Variants in SLC25A13 observed in about 807,000 individuals in gnomAD.
SLC25A13 encodes the protein solute carrier family 25 member 13, also known as electrogenic aspartate/glutamate antiporter SLC25A13, mitochondrial.
SLC25A13 carries 70 observed loss-of-function variants against 85.5 expected under a neutral mutation model. The observed-to-expected ratio is 0.82, with a 90% CI of 0.68 to 1.00. The LOEUF is 1.00. SLC25A13 is among the 50% of genes least tolerant of loss of function. SLC25A13 has a pLI of 0.00. For missense variants in SLC25A13, 765 were observed against 819.8 expected (o/e 0.93, Z 0.82); for synonymous variants, 259 against 288.7 (o/e 0.90, Z 1.04).
rs576174877 is a variant in SLC25A13 at position 96,208,494 on chromosome 7, T to C, written c.468+344A>G. ...CAATTTGATTCCAGGTTTACTTATT[T>C]ACCCTTTTAACTTTTTTTTTTTTTT... is the stretch of plus-strand genomic sequence containing the variant. On this transcript the variant is annotated intron_variant, in intron 5 of 17. Coordinates refer to ENST00000265631, the MANE Select transcript of SLC25A13 (RefSeq NM_014251.3). Among the ~76,000 whole-genome samples, 11 of 151,944 alleles carry C rather than the reference T, an allele frequency of 7.2e-5. No homozygotes were observed. The South Asian group carries it at 2.1e-3, about 29-fold the overall frequency.
intron 5 of SLC25A13, among the ~76,000 whole-genome samples, chr7:96,199,955 A>C (rs1199911975): frequency 6.6e-6 from 1 of 152,088 alleles, no homozygotes; most frequent in African/African-American, 2.4e-5. Context: ...TCAGACATGC[A>C]AGTTTGTGCT....
chr7:96,191,207 T>C lies in SLC25A13; in HGVS notation c.656A>G (p.Tyr219Cys). The C allele has an allele frequency of 6.2e-7, 1 of 1,614,054 alleles. No homozygotes were observed. Among genetic ancestry groups the C allele is most frequent in the Non-Finnish European group, 8.5e-7 (1 of 1,180,004 alleles). ...GTTSHQVSFSYFNGFNSLLNN... is the reference protein window; with the variant it reads ...GTTSHQVSFSCFNGFNSLLNN... The stretch of plus-strand genomic sequence containing the variant: ...AAGGAGCGAATTAAATCCATTAAAA[T>C]AGGAGAAACTAACTTGATGGGATGT... Residue 219 changes from tyrosine (Y) to cysteine (C), a missense_variant, in exon 7 of 18, where the codon TAT becomes TGT. Coordinates refer to ENST00000265631, the MANE Select transcript of SLC25A13 (RefSeq NM_014251.3).
At chr7:96,184,017 G>A (rs1021106634) in intron 11 of SLC25A13, among the ~76,000 whole-genome samples, 4 of 152,024 alleles carry the variant, frequency 2.6e-5, no homozygotes, top group Admixed American at 1.3e-4. Context: ...AAAAATTCAC[G>A]GAAGATGCTT....
rs144677499 is a variant in SLC25A13 at position 96,162,777 on chromosome 7, C to T, written c.1311+7268G>A. ...AGATGTGCAGAGGGATGCAAAGTCACTGTGAGAGAGACAAAGGCCAAGTAG... is the reference window on the plus strand; with the variant it reads ...AGATGTGCAGAGGGATGCAAAGTCATTGTGAGAGAGACAAAGGCCAAGTAG... On this transcript the variant is annotated intron_variant, in intron 13 of 17. Transcript: ENST00000265631. Among the ~76,000 whole-genome samples, 279 of 152,248 alleles carry T rather than the reference C, an allele frequency of 1.8e-3. 2 individuals are homozygous for T. Among genetic ancestry groups the T allele is most frequent in the African/African-American group, 6.4e-3 (265 of 41,542 alleles).
chr7:96,208,689 T>C, intron 5 of SLC25A13, 149 bp downstream of exon 5: 2 of 842,442 alleles, frequency 2.4e-6, no homozygotes, highest in South Asian at 2.8e-5. Flanking sequence ...GTATTTTTAG[T>C]AGAGACGGGG....
intron 15 of SLC25A13, among the ~76,000 whole-genome samples, chr7:96,126,946 CTCA>C (rs3216903): frequency 0.12 from 17,856 of 152,174 alleles, 1,298 homozygotes; most frequent in East Asian, 0.25. Context: ...CAGTAGTTTT[CTCA>C]TAATACACAA....
chr7:96,229,907 C>T (rs952823115), intron 4 of SLC25A13, among the ~76,000 whole-genome samples: 1 of 152,204 alleles, frequency 6.6e-6, no homozygotes, highest in African/African-American at 2.4e-5. Flanking sequence ...AGACCAAGAA[C>T]CCACCAATTC....
chr7:96,131,914 A>G (rs777329706), intron 14 of SLC25A13, 33 bp from the exon 15 acceptor site: 1 of 1,613,738 alleles, frequency 6.2e-7, no homozygotes, highest in South Asian at 1.1e-5. Context: ...AAACCACATG[A>G]AACACATATC....
chr7:96,264,131 T>C (rs573860710), intron 3 of SLC25A13, among the ~76,000 whole-genome samples: 1 of 152,268 alleles, frequency 6.6e-6, no homozygotes, highest in South Asian at 2.1e-4. Flanking sequence ...TCTGGATTAT[T>C]CAGTGGCCAT....
intron 2 of SLC25A13, among the ~76,000 whole-genome samples, chr7:96,295,452 A>G (rs936892312): frequency 2.0e-5 from 3 of 152,212 alleles, no homozygotes; most frequent in Non-Finnish European, 4.4e-5. Context: ...AGTTATCATC[A>G]TACTGCCTAC....
chr7:96,269,872 C>T (rs1370329920), intron 3 of SLC25A13, among the ~76,000 whole-genome samples: 2 of 152,182 alleles, frequency 1.3e-5, no homozygotes, highest in Non-Finnish European at 2.9e-5. Context: ...AAGACAAATA[C>T]TACATGATCT....
chr7:96,262,151 T>C (rs534427902), intron 3 of SLC25A13, among the ~76,000 whole-genome samples: 1 of 152,312 alleles, frequency 6.6e-6, no homozygotes, highest in African/African-American at 2.4e-5. Flanking sequence ...GTACCTCTAA[T>C]TCTGACAGTG....
At chr7:96,181,825 TAGC>T (rs1794430917) in intron 11 of SLC25A13, among the ~76,000 whole-genome samples, 1 of 152,224 alleles carries the variant, frequency 6.6e-6, no homozygotes, top group Non-Finnish European at 1.5e-5. Flanking sequence ...AAAGCATTAA[TAGC>T]AGCAATACTA....
At chr7:96,241,388 G>C (rs982832711) in intron 3 of SLC25A13, among the ~76,000 whole-genome samples, 10 of 152,166 alleles carry the variant, frequency 6.6e-5, no homozygotes, top group African/African-American at 2.4e-4. Context: ...GGTGAAAAAA[G>C]TACAAACAAC....
intron 3 of SLC25A13, among the ~76,000 whole-genome samples, chr7:96,235,482 T>C (rs1796711899): frequency 6.6e-6 from 1 of 152,148 alleles, no homozygotes; most frequent in Non-Finnish European, 1.5e-5. Context: ...AACAGACTAG[T>C]GTATAGAGGA....
intron 11 of SLC25A13, among the ~76,000 whole-genome samples, chr7:96,182,360 C>T (rs538248812): frequency 1.3e-5 from 2 of 152,204 alleles, no homozygotes; most frequent in East Asian, 1.9e-4. Flanking sequence ...ACAGGTGACT[C>T]CTAGAACTAA....
chr7:96,213,924 T>C (rs563981671), intron 4 of SLC25A13, among the ~76,000 whole-genome samples: 43 of 152,330 alleles, frequency 2.8e-4, no homozygotes, highest in Admixed American at 5.2e-4. Flanking sequence ...TTAGAATGCT[T>C]ATTTTTTAAA....
At chr7:96,235,948 A>G (rs966357489) in intron 3 of SLC25A13, among the ~76,000 whole-genome samples, 2 of 152,216 alleles carry the variant, frequency 1.3e-5, no homozygotes, top group Admixed American at 1.3e-4. Context: ...TATTTTAAGT[A>G]TCCAAATACT....
Position 96,178,014 on chromosome 7 carries a change from C to G in SLC25A13, c.1177+6263G>C, listed in dbSNP as rs1473887178. ...CAGCTCAGGCTGGGTCAGCACCCTG[C>G]CCTGCCTGACCCTTGTACACAACAA... is the stretch of plus-strand genomic sequence containing the variant. On this transcript the variant is annotated intron_variant, in intron 11 of 17. Transcript: ENST00000265631. Among the ~76,000 whole-genome samples, 3 of 152,302 alleles carry G rather than the reference C, an allele frequency of 2.0e-5. No homozygotes were observed. In the East Asian group the frequency reaches 5.8e-4, roughly 29 times the overall value.
Sources: gnomAD v4.1 joint callset for allele counts (sites outside exome capture counted in the v4.1 genomes callset) on GRCh38, gnomAD v4.1.1 for gene constraint, MANE v1.5 for transcripts, NCBI Gene and HGNC (gene_info 2026-07-23, HGNC 2026-07-21) for gene names.